Variants in RBFOX1 observed in about 807,000 individuals in gnomAD.
RBFOX1 encodes the protein RNA binding protein fox-1 homolog 1.
RBFOX1 carries 8 observed loss-of-function variants against 57.7 expected under a neutral mutation model. That is an observed-to-expected ratio of 0.14 (90% confidence interval 0.08 to 0.25). RBFOX1 has a LOEUF of 0.25. RBFOX1 is among the 10% of genes least tolerant of loss of function. RBFOX1 has a pLI of 1.00. For synonymous variants in RBFOX1, 326 were observed against 222.4 expected, an observed-to-expected ratio of 1.47 and a Z score of -4.15; for missense variants, 611 against 548.5, an observed-to-expected ratio of 1.11 and a Z score of -1.14.
At chr16:5,952,331 C>G (rs961938872) in intron 4 of RBFOX1, among the ~76,000 whole-genome samples, 1 of 151,650 alleles carries the variant, frequency 6.6e-6, no homozygotes, top group Non-Finnish European at 1.5e-5. Context: ...TTGTATTTTT[C>G]GTAGAGATGG....
chr16:5,480,171 C>T (rs1194120277), intron 2 of RBFOX1, among the ~76,000 whole-genome samples: 1 of 152,146 alleles, frequency 6.6e-6, no homozygotes, highest in Non-Finnish European at 1.5e-5. Flanking sequence ...GGTTTTCTTT[C>T]ATCCGGAGAT....
chr16:6,435,266 C>T (rs944567431), intron 2 of RBFOX1, among the ~76,000 whole-genome samples: 1 of 151,864 alleles, frequency 6.6e-6, no homozygotes. Context: ...ATTGCTAGCA[C>T]TCATTTTGTT....
At chr16:6,792,334 C>G (rs1046710731) in intron 3 of RBFOX1, among the ~76,000 whole-genome samples, 2 of 152,152 alleles carry the variant, frequency 1.3e-5, no homozygotes, top group Non-Finnish European at 2.9e-5. Flanking sequence ...AGGACGCTTT[C>G]AAGTCCTTTC....
At chr16:7,573,871 T>A (rs1430905235) in intron 5 of RBFOX1, among the ~76,000 whole-genome samples, 1 of 152,012 alleles carries the variant, frequency 6.6e-6, no homozygotes, top group African/African-American at 2.4e-5. Context: ...AGGAGTTCTC[T>A]CAGAGATTAC....
intron 1 of RBFOX1, among the ~76,000 whole-genome samples, chr16:6,033,610 G>C (rs963971810): frequency 1.3e-5 from 2 of 152,206 alleles, no homozygotes; most frequent in East Asian, 3.9e-4. Context: ...GTGTGCACAC[G>C]CACGTGTATT....
chr16:7,709,748 G>T, intron 15 of RBFOX1: 1 of 241,896 alleles, frequency 4.1e-6, no homozygotes, highest in African/African-American at 2.7e-5. Context: ...TTTTGTTTTG[G>T]GAGGGGGTGG....
intron 3 of RBFOX1, among the ~76,000 whole-genome samples, chr16:6,877,505 G>A (rs963633292): frequency 4.6e-5 from 7 of 152,084 alleles, no homozygotes; most frequent in South Asian, 2.1e-4. Flanking sequence ...TACTGTGGCC[G>A]AAAGGAAAAA....
At chr16:7,263,441 G>A (rs1369035000) in intron 4 of RBFOX1, among the ~76,000 whole-genome samples, 1 of 152,186 alleles carries the variant, frequency 6.6e-6, no homozygotes, top group East Asian at 1.9e-4. Flanking sequence ...GTTTTAACTA[G>A]TCTTGATGCC....
intron 2 of RBFOX1, among the ~76,000 whole-genome samples, chr16:6,582,378 G>A (rs1195774739): frequency 6.6e-6 from 1 of 151,814 alleles, no homozygotes; most frequent in Non-Finnish European, 1.5e-5. Context: ...AACAATTAAT[G>A]ATGCTGACAT....
chr16:5,981,935 A>G (rs1445172116), intron 4 of RBFOX1, among the ~76,000 whole-genome samples: 1 of 152,242 alleles, frequency 6.6e-6, no homozygotes, highest in Non-Finnish European at 1.5e-5. Flanking sequence ...CCTCACCACA[A>G]AGAACTATGC....
intron 2 of RBFOX1, among the ~76,000 whole-genome samples, chr16:6,427,597 A>G: frequency 6.6e-6 from 1 of 152,222 alleles, no homozygotes; most frequent in East Asian, 1.9e-4. Flanking sequence ...ATGAAAGAGT[A>G]AAAATGTTGA....
At chr16:7,495,862 A>T (rs2068461215) in intron 4 of RBFOX1, among the ~76,000 whole-genome samples, 1 of 151,634 alleles carries the variant, frequency 6.6e-6, no homozygotes, top group Admixed American at 6.6e-5. Flanking sequence ...GAAATAAAAA[A>T]TAAATTACTT....
At chr16:7,552,372 G>A (rs989683648) in intron 5 of RBFOX1, among the ~76,000 whole-genome samples, 1 of 152,088 alleles carries the variant, frequency 6.6e-6, no homozygotes, top group African/African-American at 2.4e-5. Flanking sequence ...ACATCTAGAG[G>A]CAAAGTACTT....
At chr16:5,856,208 CAT>C (rs2057040042) in intron 3 of RBFOX1, among the ~76,000 whole-genome samples, 3 of 28,550 alleles carry the variant, frequency 1.1e-4, no homozygotes, top group African/African-American at 2.4e-4. Flanking sequence ...TATATATATA[CAT>C]ATATATGTAT....
At chr16:6,951,165 C>A (rs1261840568) in intron 3 of RBFOX1, among the ~76,000 whole-genome samples, 1 of 152,100 alleles carries the variant, frequency 6.6e-6, no homozygotes, top group East Asian at 1.9e-4. Context: ...CATCAGCTTC[C>A]CAAAGTGTTG....
chr16:7,277,717 A>C (rs9932797), intron 4 of RBFOX1, among the ~76,000 whole-genome samples: 2 of 152,206 alleles, frequency 1.3e-5, no homozygotes, highest in African/African-American at 4.8e-5. Flanking sequence ...AAGGACTTCT[A>C]TAGGCACAGA....
At chr16:6,870,122 T>C (rs1423134521) in intron 3 of RBFOX1, among the ~76,000 whole-genome samples, 1 of 152,178 alleles carries the variant, frequency 6.6e-6, no homozygotes. Flanking sequence ...ATTTTTTGCA[T>C]AAGGCTCTTG....
downstream of RBFOX1, among the ~76,000 whole-genome samples, chr16:5,600,605 C>G (rs1471189831): frequency 2.0e-5 from 3 of 151,766 alleles, no homozygotes; most frequent in Non-Finnish European, 2.9e-5. Flanking sequence ...TTCGTGCAAA[C>G]TGGAATCTCT....
intron 2 of RBFOX1, among the ~76,000 whole-genome samples, chr16:6,489,686 C>G (rs2095586987): frequency 6.6e-6 from 1 of 152,132 alleles, no homozygotes; most frequent in South Asian, 2.1e-4. Flanking sequence ...GGAAAACGGA[C>G]TTACCTGTTT....
Sources: gnomAD v4.1 joint callset for allele counts (sites outside exome capture counted in the v4.1 genomes callset) on GRCh38, gnomAD v4.1.1 for gene constraint, MANE v1.5 for transcripts, NCBI Gene and HGNC (gene_info 2026-07-23, HGNC 2026-07-21) for gene names.